SGF29: variants seen among roughly 807,000 people sequenced by gnomAD.
SGF29 encodes SAGA-associated factor 29.
In SGF29, 15 loss-of-function variants were observed where a neutral mutation model predicts 38.1. The ratio of observed to expected loss-of-function variants is 0.39; its 90% CI spans 0.26 to 0.61. The LOEUF (loss-of-function observed/expected upper bound fraction) is 0.61, where lower values mean the gene tolerates loss of function less well. Among genes scored for constraint, SGF29 ranks in the 20% least tolerant of loss-of-function variants. SGF29 has a pLI of 0.49. For synonymous variants in SGF29, 151 were observed against 160.8 expected, an observed-to-expected ratio of 0.94 and a Z score of 0.46; for missense variants, 184 against 394.6, an observed-to-expected ratio of 0.47 and a Z score of 4.52.
intron 3 of SGF29, 73 bp from the exon 4 acceptor site, chr16:28,585,575 G>A (rs1305092507): frequency 1.8e-5 from 24 of 1,308,868 alleles, no homozygotes; most frequent in Admixed American, 8.4e-5. Flanking sequence ...GTGTGATTCC[G>A]GTGCATGGAA....
chr16:28,573,304 C>T (rs1360373750), intron 1 of SGF29, among the ~76,000 whole-genome samples: 1 of 152,128 alleles, frequency 6.6e-6, no homozygotes, highest in Non-Finnish European at 1.5e-5. Flanking sequence ...GAGGGAGGCC[C>T]TGAAGCCAGA....
intron 1 of SGF29, among the ~76,000 whole-genome samples, chr16:28,566,519 C>T (rs937831161): frequency 4.0e-5 from 6 of 151,732 alleles, no homozygotes; most frequent in East Asian, 2.0e-4. Flanking sequence ...CTGGGCGTGG[C>T]GGCTCACATC....
At chr16:28,588,595 GT>G in intron 4 of SGF29, 1 of 425,536 alleles carries the variant, frequency 2.3e-6, no homozygotes, top group Non-Finnish European at 4.6e-6. Context: ...ATGGAGTTTC[GT>G]TCTTTTTGCC....
intron 3 of SGF29, 76 bp downstream of exon 3, chr16:28,585,064 G>A (rs2046949180): frequency 8.8e-7 from 1 of 1,131,380 alleles, no homozygotes; most frequent in Admixed American, 2.0e-5. Flanking sequence ...TGACCGAGGT[G>A]GTCATTGTAT....
chr16:28,555,120 A>G (rs1452565452), intron 1 of SGF29, among the ~76,000 whole-genome samples: 1 of 152,120 alleles, frequency 6.6e-6, no homozygotes, highest in African/African-American at 2.4e-5. Context: ...AGCCTCCCCA[A>G]ATGCTGGAAT....
chr16:28,591,788 C>T lies in SGF29; in HGVS notation c.*82C>T, dbSNP rs559666522. ...TGCTGGGATTAAACACATTCCCCCT[C>T]TACTCGTCTCCTGGGTTTTACTTCT... On this transcript the variant is annotated 3_prime_UTR_variant, in exon 10 of 10. Coordinates refer to ENST00000317058, the MANE Select transcript of SGF29 (RefSeq NM_138414.3). 48 of 1,305,698 alleles carry T rather than the reference C, an allele frequency of 3.7e-5. No homozygotes were observed. The highest frequency in any genetic ancestry group is 2.7e-4 in the South Asian group (21 of 78,326). 80.9% of individuals were successfully genotyped at this position (1,305,698 alleles called of 1,614,324 possible). A position where few individuals can be genotyped will look rare whatever the true frequency, so the allele number is the denominator to read the frequency against.
At chr16:28,573,040 T>A (rs2046873985) in intron 1 of SGF29, among the ~76,000 whole-genome samples, 1 of 152,342 alleles carries the variant, frequency 6.6e-6, no homozygotes, top group East Asian at 1.9e-4. Flanking sequence ...TGTTGGCTTC[T>A]GTCTCTTCCA....
Sources: allele counts gnomAD v4.1 joint callset (sites outside exome capture counted in the v4.1 genomes callset), GRCh38; gene constraint gnomAD v4.1.1; transcripts MANE v1.5; gene names NCBI Gene and HGNC (gene_info 2026-07-23, HGNC 2026-07-21).